RAB3C: variants seen among roughly 807,000 people sequenced by gnomAD.
The protein encoded by RAB3C is ras-related protein Rab-3C.
Under a neutral mutation model 26.4 loss-of-function variants are expected in RAB3C, and 17 were observed. The ratio of observed to expected loss-of-function variants is 0.64; its 90% confidence interval spans 0.44 to 0.97. The LOEUF (loss-of-function observed/expected upper bound fraction) is 0.97. RAB3C is among the 50% of genes least tolerant of loss of function. The pLI, the probability that RAB3C is intolerant of heterozygous loss-of-function variation, is 0.00. For missense variants in RAB3C, 242 were observed against 281.9 expected (o/e 0.86, Z 1.01); for synonymous variants, 91 against 95.9 (o/e 0.95, Z 0.30).
At position 58,806,396 on chromosome 5, in the gene RAB3C, G is replaced by A. The variant is rs114185653; in HGVS notation, c.372-18642G>A. On this transcript the variant is annotated intron_variant, in intron 3 of 4. Transcript: ENST00000282878. ...AGGCAACCAATACATCAATTTTAGG[G>A]TGAGAGGAGGAAGAAGAAACTGAAT... 7.1e-3 allele frequency among the ~76,000 whole-genome samples: 1,077 copies of A among 152,194 alleles called. 18 individuals are homozygous for A. The highest frequency in any genetic ancestry group is 0.025 in the African/African-American group (1,021 of 41,524).
intron 1 of RAB3C, among the ~76,000 whole-genome samples, chr5:58,612,544 A>ATATATG (rs1561266458): frequency 1.0e-3 from 58 of 56,588 alleles, no homozygotes; most frequent in African/African-American, 3.8e-3. Context: ...ATATATATAT[A>ATATATG]TATGTATATA....
In RAB3C at chr5:58,584,576, A is replaced by ACTAC. The variant is rs1394906114; in HGVS notation, c.24+1346_24+1349dup. On this transcript the variant is annotated intron_variant, in intron 1 of 4. Transcript: ENST00000282878. ...ATGATAATTTTCTATTACTGGAGAT[A>ACTAC]CTACCAGGAGCCAACTGGCTAAATT... 5.3e-5 allele frequency among the ~76,000 whole-genome samples: 8 copies of ACTAC among 152,192 alleles called. No homozygotes were observed. In the East Asian group the frequency reaches 1.5e-3, roughly 29 times the overall value.
intron 2 of RAB3C, among the ~76,000 whole-genome samples, chr5:58,676,482 A>G (rs768136244): frequency 2.6e-5 from 4 of 152,116 alleles, no homozygotes; most frequent in Non-Finnish European, 5.9e-5. Context: ...CAATGTGGGC[A>G]ACAGAGCAAG....
chr5:58,655,090 G>T (rs916536726), intron 2 of RAB3C, among the ~76,000 whole-genome samples: 2 of 152,150 alleles, frequency 1.3e-5, no homozygotes, highest in Non-Finnish European at 2.9e-5. Context: ...TATGATCAGG[G>T]TTGCTAAATA....
At chr5:58,721,921 T>C (rs1740777415) in intron 2 of RAB3C, among the ~76,000 whole-genome samples, 1 of 151,450 alleles carries the variant, frequency 6.6e-6, no homozygotes, top group Non-Finnish European at 1.5e-5. Flanking sequence ...TTACGTACTA[T>C]CTGAAAGCTT....
At chr5:58,650,267 G>T (rs1035724412) in intron 2 of RAB3C, among the ~76,000 whole-genome samples, 2 of 152,242 alleles carry the variant, frequency 1.3e-5, no homozygotes, top group East Asian at 3.9e-4. Context: ...AATTTAAGAT[G>T]CAAGATATAT....
chr5:58,766,181 G>T (rs931779543), intron 3 of RAB3C, among the ~76,000 whole-genome samples: 2 of 149,452 alleles, frequency 1.3e-5, no homozygotes, highest in Non-Finnish European at 3.0e-5. Context: ...GCAGTGGCAC[G>T]ATCTCACCTC....
intron 4 of RAB3C, among the ~76,000 whole-genome samples, chr5:58,825,765 A>G (rs1457360287): frequency 6.6e-6 from 1 of 152,170 alleles, no homozygotes; most frequent in African/African-American, 2.4e-5. Context: ...CAAACACAAA[A>G]CATTGTATCT....
rs1742877097 is a variant in RAB3C at position 58,804,041 on chromosome 5, C to A, written c.372-20997C>A. 5.5e-5 allele frequency among the ~76,000 whole-genome samples: 8 copies of A among 144,792 alleles called. No homozygotes were observed. In the South Asian group the frequency reaches 1.6e-3, roughly 29 times the overall value. 95.0% of individuals were successfully genotyped at this position (144,792 alleles called of 152,430 possible). On this transcript the variant is annotated intron_variant, in intron 3 of 4. Coordinates refer to ENST00000282878, the MANE Select transcript of RAB3C (RefSeq NM_138453.4). ...TGCCATTGCACTCCAGCCCAGGTGA[C>A]AGTGCGAGACTCTATCTTAAAAAAA...
intron 3 of RAB3C, among the ~76,000 whole-genome samples, chr5:58,726,866 C>T (rs1365779502): frequency 6.6e-6 from 1 of 151,900 alleles, no homozygotes; most frequent in Non-Finnish European, 1.5e-5. Context: ...ACCTTGAGAG[C>T]AGACACTGAA....
chr5:58,655,438 G>A (rs112425958), intron 2 of RAB3C, among the ~76,000 whole-genome samples: 1 of 152,126 alleles, frequency 6.6e-6, no homozygotes, highest in Non-Finnish European at 1.5e-5. Flanking sequence ...AGATAAAACC[G>A]GAATCGCTCT....
At chr5:58,607,653 C>T (rs533646900) in intron 1 of RAB3C, among the ~76,000 whole-genome samples, 1 of 152,168 alleles carries the variant, frequency 6.6e-6, no homozygotes, top group South Asian at 2.1e-4. Context: ...GTGTTAAGGG[C>T]AGCCAGAGAG....
intron 3 of RAB3C, among the ~76,000 whole-genome samples, chr5:58,728,886 A>C (rs1278005318): frequency 5.3e-5 from 8 of 152,140 alleles, no homozygotes; most frequent in African/African-American, 1.7e-4. Flanking sequence ...TTTCAACTAA[A>C]CAGAAATTTT....
chr5:58,833,113 T>C (rs1743653491), intron 4 of RAB3C, among the ~76,000 whole-genome samples: 1 of 152,174 alleles, frequency 6.6e-6, no homozygotes, highest in South Asian at 2.1e-4. Context: ...AGGGCAGTAC[T>C]GTTTTTTGAA....
intron 3 of RAB3C, among the ~76,000 whole-genome samples, chr5:58,782,623 A>G (rs1157843421): frequency 6.6e-6 from 1 of 152,172 alleles, no homozygotes; most frequent in Non-Finnish European, 1.5e-5. Context: ...ATGAAAATTA[A>G]GCATTTTTTT....
intron 2 of RAB3C, among the ~76,000 whole-genome samples, chr5:58,725,661 T>A (rs1579881167): frequency 1.3e-5 from 2 of 151,990 alleles, no homozygotes; most frequent in East Asian, 3.9e-4. Context: ...CAATAATCGA[T>A]TGTATATTTT....
intron 2 of RAB3C, among the ~76,000 whole-genome samples, chr5:58,667,786 G>A (rs2111818284): frequency 6.6e-6 from 1 of 152,148 alleles, no homozygotes; most frequent in Admixed American, 6.5e-5. Context: ...TAATGCCAGG[G>A]TAAATTTCTG....
At chr5:58,606,338 TGG>T (rs1746569404) in intron 1 of RAB3C, among the ~76,000 whole-genome samples, 1 of 152,130 alleles carries the variant, frequency 6.6e-6, no homozygotes, top group South Asian at 2.1e-4. Flanking sequence ...GGCAGCCTGA[TGG>T]GGGAGGGGCA....
At chr5:58,700,671 A>G (rs79867028) in intron 2 of RAB3C, among the ~76,000 whole-genome samples, 2,333 of 152,326 alleles carry the variant, frequency 0.015, 54 homozygotes, top group African/African-American at 0.053. Flanking sequence ...GCAAAACATC[A>G]TCATTATTTC....
Sources: allele counts gnomAD v4.1 joint callset (sites outside exome capture counted in the v4.1 genomes callset), GRCh38; gene constraint gnomAD v4.1.1; transcripts MANE v1.5; gene names NCBI Gene and HGNC (gene_info 2026-07-23, HGNC 2026-07-21).